NIBAN3: variants seen among roughly 807,000 people sequenced by gnomAD.
NIBAN3 encodes the protein protein Niban 3.
Under a neutral mutation model 76.4 loss-of-function variants are expected in NIBAN3, and 66 were observed. The observed-to-expected ratio is 0.86, with a 90% CI of 0.71 to 1.06. The LOEUF (loss-of-function observed/expected upper bound fraction) is 1.06, where lower values mean the gene tolerates loss of function less well. NIBAN3 is among the 50% of genes least tolerant of loss of function. The pLI is 0.00. For synonymous variants in NIBAN3, 360 were observed against 355.2 expected, an observed-to-expected ratio of 1.01 and a Z score of -0.15; for missense variants, 808 against 810.7, an observed-to-expected ratio of 1.00 and a Z score of 0.04.
rs140960668 is a variant in NIBAN3 at position 17,528,555 on chromosome 19, G to C, written c.55+1160G>C. ...CCAGCAGGCCCCTCGGTAGGACCCT[G>C]GGGATGGAGGCTCAGTTCCCAATTT... is the stretch of plus-strand genomic sequence containing the variant. On this transcript the variant is annotated intron_variant, in intron 1 of 14. Coordinates refer to ENST00000599164, the MANE Select transcript of NIBAN3 (RefSeq NM_001321827.2). 4.9e-3 allele frequency among the ~76,000 whole-genome samples: 744 copies of C among 152,254 alleles called. 5 individuals are homozygous for C. Among genetic ancestry groups the C allele is most frequent in the African/African-American group, 0.017 (689 of 41,560 alleles).
upstream of NIBAN3, chr19:17,527,234 A>T: frequency 6.5e-7 from 1 of 1,548,648 alleles, no homozygotes. Flanking sequence ...GGGCCTCTGA[A>T]CCCACTGTGA....
chr19:17,533,945 AAAACAAAC>A (rs370655406), intron 4 of NIBAN3, among the ~76,000 whole-genome samples: 86 of 152,196 alleles, frequency 5.7e-4, no homozygotes, highest in African/African-American at 1.6e-3. Flanking sequence ...CCTACTCTGG[AAAACAAAC>A]AAACAAACAA....
chr19:17,549,989 T>A (rs1467851055), intron 14 of NIBAN3, among the ~76,000 whole-genome samples: 1 of 151,912 alleles, frequency 6.6e-6, no homozygotes, highest in African/African-American at 2.4e-5. Flanking sequence ...CCAGCTAATT[T>A]TTGTATTTTT....
Position 17,553,117 on chromosome 19 carries a change from T to A in NIBAN3, c.*1219T>A. The A allele has an allele frequency of 1.3e-6, 1 of 767,488 alleles. No homozygotes were observed. Among genetic ancestry groups the A allele is most frequent in the Non-Finnish European group, 1.9e-6 (1 of 518,252 alleles). The allele number at this position is 767,488 out of a possible 1,614,324, so 47.5% of individuals were successfully genotyped here. A position where few individuals can be genotyped will look rare whatever the true frequency, so the allele number is the denominator to read the frequency against. On this transcript the variant is annotated 3_prime_UTR_variant, in exon 15 of 15. Coordinates refer to ENST00000599164, the MANE Select transcript of NIBAN3 (RefSeq NM_001321827.2). The stretch of plus-strand genomic sequence containing the variant: ...ATATGTTGATTAGCCATTTACATGT[T>A]TGTAGTTTTTTTTTTTTTAATTTCA...
intron 2 of NIBAN3, among the ~76,000 whole-genome samples, chr19:17,531,568 C>T (rs1004128600): frequency 1.3e-5 from 2 of 152,130 alleles, no homozygotes; most frequent in Admixed American, 6.6e-5. Flanking sequence ...GAGTTTTGCT[C>T]TCTTGCCCAG....
At chr19:17,545,357 G>T in intron 12 of NIBAN3, 2 of 163,096 alleles carry the variant, frequency 1.2e-5, no homozygotes, top group South Asian at 3.7e-4. Context: ...ACCCGCTATA[G>T]GGACCAGCCC....
At chr19:17,531,988 T>C (rs926826929) in intron 2 of NIBAN3, among the ~76,000 whole-genome samples, 1 of 152,204 alleles carries the variant, frequency 6.6e-6, no homozygotes, top group African/African-American at 2.4e-5. Context: ...CAACCTGGGA[T>C]CCACGCTTAT....
upstream of NIBAN3, among the ~76,000 whole-genome samples, chr19:17,524,520 G>A (rs372800450): frequency 4.0e-5 from 6 of 150,886 alleles, no homozygotes; most frequent in East Asian, 9.9e-4. Flanking sequence ...CCTGACCTCA[G>A]GTGACCCGCC....
Position 17,542,260 on chromosome 19 carries a change from G to C in NIBAN3, c.1295G>C (p.Ser432Thr), listed in dbSNP as rs751140913. Reference sequence around the variant, plus strand: ...CCGTTTGGCTTTCTGGGGATGCAGAGCCTCGTGTTTGGGGCCCAAGATCTT... The same window carrying C: ...CCGTTTGGCTTTCTGGGGATGCAGACCCTCGTGTTTGGGGCCCAAGATCTT... ...AAPFGFLGMQ[S>T]LVFGAQDLAQ... The change falls in exon 10 of 15, where the codon AGC becomes ACC. Residue 432 changes from serine to threonine, a missense_variant. Ser to Thr is a moderately conservative substitution (Grantham distance 58). Coordinates refer to ENST00000599164, the MANE Select transcript of NIBAN3 (RefSeq NM_001321827.2). This position sits in a 1 kb window ranked among gnomAD's most constrained non-coding sequence, Gnocchi z 4.8. The C allele has an allele frequency of 6.2e-7, 1 of 1,613,254 alleles. No homozygotes were observed. Among genetic ancestry groups the C allele is most frequent in the Admixed American group, 1.7e-5 (1 of 59,806 alleles).
intron 14 of NIBAN3, among the ~76,000 whole-genome samples, chr19:17,551,476 C>T (rs996809151): frequency 3.0e-4 from 45 of 150,504 alleles, no homozygotes; most frequent in Admixed American, 6.7e-4. Context: ...GGCGCGATCT[C>T]GGCTAACTGC....
intron 11 of NIBAN3, 24 bp from the exon 12 acceptor site, chr19:17,543,500 C>T (rs771587440): frequency 9.3e-5 from 150 of 1,612,140 alleles, no homozygotes; most frequent in Middle Eastern, 1.6e-4. Context: ...GGTTGCTGGA[C>T]GCACCGCTGG....
chr19:17,538,792 G>C (rs990553466), intron 5 of NIBAN3, among the ~76,000 whole-genome samples: 1 of 152,016 alleles, frequency 6.6e-6, no homozygotes, highest in Non-Finnish European at 1.5e-5. Flanking sequence ...GGAAGAAAGG[G>C]AGGAAGGGAA....
intron 13 of NIBAN3, among the ~76,000 whole-genome samples, chr19:17,548,413 G>C (rs544226977): frequency 1.3e-5 from 2 of 151,984 alleles, no homozygotes; most frequent in Non-Finnish European, 2.9e-5. Context: ...CTGAGGCCCC[G>C]GTTCTGGGAA....
intron 1 of NIBAN3, 87 bp from the exon 2 acceptor site, chr19:17,530,668 G>A: frequency 1.5e-6 from 2 of 1,356,754 alleles, no homozygotes; most frequent in Non-Finnish European, 2.0e-6. Flanking sequence ...GAGCCCCCAG[G>A]TGGCTTCCCT....
chr19:17,529,648 T>C (rs933420187), intron 1 of NIBAN3, among the ~76,000 whole-genome samples: 6 of 152,172 alleles, frequency 3.9e-5, no homozygotes, highest in Non-Finnish European at 8.8e-5. Flanking sequence ...TTTGAAAAGC[T>C]CCCCAGGTAA....
rs371234153 is a variant in NIBAN3 at position 17,532,301 on chromosome 19, C to A, written c.225C>A (p.Thr75=). The change falls in exon 3 of 15, where the codon ACC becomes ACA. Residue 75 remains threonine, a synonymous_variant. Transcript: ENST00000599164. The stretch of plus-strand genomic sequence containing the variant: ...TCCGTGAGCACCGAGGACCCCTGAC[C>A]CAGCTTCGGGGCCACCCACCCCGGT... The part of the protein sequence containing the change: ...PRVREHRGPL[T]QLRGHPPRWQ... 2 of 1,613,874 alleles carry A rather than the reference C, an allele frequency of 1.2e-6. No individual in the cohort carries two copies. The highest frequency in any genetic ancestry group is 1.7e-6 in the Non-Finnish European group (2 of 1,179,950).
At chr19:17,525,335 C>CTTCA (rs71336621), upstream of NIBAN3, among the ~76,000 whole-genome samples, 40,283 of 150,908 alleles carry the variant, frequency 0.27, 5,443 homozygotes, top group East Asian at 0.28. Flanking sequence ...CCGTCCCTCC[C>CTTCA]TTCATTCATT....
downstream of NIBAN3, chr19:17,553,870 CCTTT>C: frequency 6.3e-6 from 1 of 157,686 alleles, no homozygotes; most frequent in East Asian, 1.4e-4. Context: ...TTTGTTTTTA[CCTTT>C]TTTTTTTTTT....
intron 9 of NIBAN3, 132 bp downstream of exon 9, chr19:17,540,714 G>A: frequency 1.6e-6 from 1 of 621,770 alleles, no homozygotes; most frequent in Admixed American, 4.2e-5. Flanking sequence ...CCATGCTATG[G>A]TCAGTGGAGC....
Sources: gnomAD v4.1 joint callset for allele counts (sites outside exome capture counted in the v4.1 genomes callset) on GRCh38, gnomAD v4.1.1 for gene constraint, Gnocchi (gnomAD v3.1) non-coding constraint, MANE v1.5 for transcripts, NCBI Gene and HGNC (gene_info 2026-07-23, HGNC 2026-07-21) for gene names.